The following CXCR6 variants were observed in gnomAD, a reference collection of about 807,000 sequenced individuals.
CXCR6 encodes the protein C-X-C chemokine receptor type 6.
CXCR6 carries 3 observed loss-of-function variants against 1.6 expected under a neutral mutation model. The ratio of observed to expected loss-of-function variants is 1.83; its 90% confidence interval spans 0.83 to 4.72. The LOEUF (loss-of-function observed/expected upper bound fraction) is 4.72. CXCR6 is among the 30% of genes most tolerant of loss of function. The pLI, the probability that CXCR6 is intolerant of heterozygous loss-of-function variation, is 0.02. For missense variants in CXCR6, 326 were observed against 414.8 expected, an observed-to-expected ratio of 0.79 and a Z score of 1.86; for synonymous variants, 171 against 159.2, an observed-to-expected ratio of 1.07 and a Z score of -0.56.
intron 1 of CXCR6, chr3:45,945,131 C>A (rs936939): frequency 0.19 from 29,037 of 152,156 alleles, 2,897 homozygotes; most frequent in East Asian, 0.29. Context: ...ACACTGCTCC[C>A]AGTCAGGACT....
At position 45,946,527 on chromosome 3, in the gene CXCR6, A is replaced by C; in HGVS notation, c.46A>C (p.Asn16His). 6.2e-7 allele frequency: 1 copy of C among 1,614,184 alleles called. No individual in the cohort carries two copies. Among genetic ancestry groups the C allele is most frequent in the Non-Finnish European group, 8.5e-7 (1 of 1,180,022 alleles). The change falls in exon 2 of 2, where the codon AAT becomes CAT. Residue 16 changes from asparagine (N) to histidine (H), a missense_variant. Transcript: ENST00000304552. ...YHEDYGFSSFNDSSQEEHQDF... is the reference protein window; with the variant it reads ...YHEDYGFSSFHDSSQEEHQDF... ...TGAAGACTATGGGTTCAGCAGTTTC[A>C]ATGACAGCAGCCAGGAGGAGCATCA...
intron 1 of CXCR6, chr3:45,946,060 T>C (rs948950067): frequency 3.0e-5 from 5 of 167,774 alleles, no homozygotes; most frequent in Non-Finnish European, 5.2e-5. Flanking sequence ...AAAACAGGCA[T>C]GTTCCATTGA....
At chr3:45,941,359 CT>C (rs1276590903), upstream of CXCR6, 1 of 152,180 alleles carries the variant, frequency 6.6e-6, no homozygotes, top group African/African-American at 2.4e-5. Context: ...ATGTCTGCCA[CT>C]TCCTTTTTAC....
In CXCR6 at chr3:45,948,209, T is replaced by C. The variant is rs1704762326; in HGVS notation, c.*699T>C. ...TTTCTGAAGTGGACTCTTTGGTGGC[T>C]TTGCATTTTAAAAATGAAATTTTCC... On this transcript the variant is annotated 3_prime_UTR_variant, in exon 2 of 2. Transcript: ENST00000304552. 6.0e-6 allele frequency: 1 copy of C among 167,122 alleles called. No homozygotes were observed. The highest frequency in any genetic ancestry group is 1.5e-5 in the Non-Finnish European group (1 of 68,142). The allele number at this position is 167,122 out of a possible 1,614,324, so 10.4% of individuals were successfully genotyped here.
chr3:45,945,364 G>A (rs943840776), intron 1 of CXCR6: 2 of 152,272 alleles, frequency 1.3e-5, no homozygotes, highest in Non-Finnish European at 2.9e-5. Flanking sequence ...AGCAAGGGCA[G>A]ACTTGGCACT....
chr3:45,942,931 C>T (rs2125815946), upstream of CXCR6, among the ~76,000 whole-genome samples: 1 of 152,300 alleles, frequency 6.6e-6, no homozygotes, highest in East Asian at 1.9e-4. Context: ...TGACAGATAC[C>T]TGAGTGTGTA....
chr3:45,947,326 G>T lies in CXCR6; in HGVS notation c.845G>T (p.Cys282Phe), dbSNP rs1282280468. ...VTEAIAYLRA[C>F]LNPVLYAFVS... is the part of the protein sequence containing the mutation. ...GAGGCCATCGCATACCTGAGGGCCT[G>T]CCTTAACCCTGTGCTCTATGCCTTT... is the stretch of plus-strand genomic sequence containing the variant. Residue 282 changes from cysteine to phenylalanine, a missense_variant, in exon 2 of 2, where the codon TGC becomes TTC. By Grantham distance (205) the Cys-to-Phe change is radical (BLOSUM62 -2). Coordinates refer to ENST00000304552, the MANE Select transcript of CXCR6 (RefSeq NM_006564.2). 1.2e-6 allele frequency: 2 copies of T among 1,614,210 alleles called. No individual in the cohort carries two copies. The highest frequency in any genetic ancestry group is 1.7e-6 in the Non-Finnish European group (2 of 1,180,038).
chr3:45,946,461 G>T lies in CXCR6; in HGVS notation c.-21G>T, dbSNP rs781734811. ...ATAATTCCTGGGTTCTGACTCACAGGTGTTCATCAGAACAGACACCATGGC... is the reference window on the plus strand; with the variant it reads ...ATAATTCCTGGGTTCTGACTCACAGTTGTTCATCAGAACAGACACCATGGC... On this transcript the variant is annotated splice_region_variant and 5_prime_UTR_variant, in exon 2 of 2. Coordinates refer to ENST00000304552, the MANE Select transcript of CXCR6 (RefSeq NM_006564.2). 8 of 1,589,848 alleles carry T rather than the reference G, an allele frequency of 5.0e-6. No individual in the cohort carries two copies. The highest frequency in any genetic ancestry group is 6.9e-6 in the Non-Finnish European group (8 of 1,161,730).
upstream of CXCR6, among the ~76,000 whole-genome samples, chr3:45,942,611 C>T (rs753357883): frequency 6.6e-6 from 1 of 152,216 alleles, no homozygotes; most frequent in Admixed American, 6.5e-5. Context: ...CTCTCCACTA[C>T]AAGGCACTGG....
In CXCR6 at chr3:45,946,850, C is replaced by T; in HGVS notation, c.369C>T (p.Ile123=). The T allele has an allele frequency of 6.2e-7, 1 of 1,614,232 alleles. No homozygotes were observed. Among genetic ancestry groups the T allele is most frequent in the Non-Finnish European group, 8.5e-7 (1 of 1,180,040 alleles). ...CGTCCATGCTCATCCTCACCTGCAT[C>T]ACTGTGGATCGTTTCATTGTAGTGG... is the stretch of plus-strand genomic sequence containing the variant. ...FYTSMLILTC[I]TVDRFIVVVK... is the part of the protein sequence containing the mutation. The change falls in exon 2 of 2, where the codon ATC becomes ATT. Residue 123 remains isoleucine (I), a synonymous_variant. Coordinates refer to ENST00000304552, the MANE Select transcript of CXCR6 (RefSeq NM_006564.2).
upstream of CXCR6, among the ~76,000 whole-genome samples, chr3:45,941,682 CCATATTGA>C (rs1318281817): frequency 6.6e-6 from 1 of 152,220 alleles, no homozygotes; most frequent in Non-Finnish European, 1.5e-5. Flanking sequence ...ACACATATCC[CCATATTGA>C]CATGTACACA....
chr3:45,947,461 CTT>C lies in CXCR6; in HGVS notation c.984_985del (p.Ser329CysfsTer66), dbSNP rs752005167. On this transcript the variant is annotated frameshift_variant, in exon 2 of 2. Coordinates refer to ENST00000304552, the MANE Select transcript of CXCR6 (RefSeq NM_006564.2). LOFTEE classifies it high-confidence loss of function. ...AAATCTTCTGAGGACAATTCCAAGACTTTTTCTGCCTCCCACAATGTGGAGGC... is the reference window on the plus strand; with the variant it reads ...AAATCTTCTGAGGACAATTCCAAGACTTTCTGCCTCCCACAATGTGGAGGC... The C allele has an allele frequency of 6.2e-7, 1 of 1,614,172 alleles. No individual in the cohort carries two copies. The highest frequency in any genetic ancestry group is 1.7e-5 in the Admixed American group (1 of 60,032).
At position 45,947,139 on chromosome 3, in the gene CXCR6, C is replaced by T. The variant is rs766640802; in HGVS notation, c.658C>T (p.His220Tyr). 1 of 1,614,100 alleles carries T rather than the reference C, an allele frequency of 6.2e-7. No homozygotes were observed. Among genetic ancestry groups the T allele is most frequent in the African/African-American group, 1.3e-5 (1 of 74,934 alleles). The change falls in exon 2 of 2, where the codon CAT becomes TAT. Residue 220 changes from histidine to tyrosine, a missense_variant. His to Tyr is a moderately conservative substitution (Grantham distance 83). Transcript: ENST00000304552. The stretch of plus-strand genomic sequence containing the variant: ...TTCAGTCATAATCAAAACACTGCTT[C>T]ATGCTGGAGGCTTCCAGAAGCACAG... ...CYSVIIKTLL[H>Y]AGGFQKHRSL...
intron 1 of CXCR6, chr3:45,945,531 C>T (rs1282007512): frequency 1.3e-5 from 2 of 152,196 alleles, no homozygotes; most frequent in African/African-American, 4.8e-5. Flanking sequence ...GAAAGGTTGC[C>T]CATCTGGCAT....
At chr3:45,942,033 C>T (rs748791880), upstream of CXCR6, among the ~76,000 whole-genome samples, 1 of 152,220 alleles carries the variant, frequency 6.6e-6, no homozygotes, top group Non-Finnish European at 1.5e-5. Flanking sequence ...GTAGTCTATG[C>T]GGCCTCATGG....
rs1176563862 is a variant in CXCR6, at chr3:45,948,099, TAA to T, written c.*590_*591del. On this transcript the variant is annotated 3_prime_UTR_variant, in exon 2 of 2. Transcript: ENST00000304552. ...ACTATGAATGGGCAAAACTGAATTATAAGAGGCTGATAATTCCAGTGGTCCAT... is the reference window on the plus strand; with the variant it reads ...ACTATGAATGGGCAAAACTGAATTATGAGGCTGATAATTCCAGTGGTCCAT... 6.0e-6 allele frequency: 1 copy of T among 167,484 alleles called. No individual in the cohort carries two copies. Among genetic ancestry groups the T allele is most frequent in the Non-Finnish European group, 1.5e-5 (1 of 68,428 alleles). 10.4% of individuals were successfully genotyped at this position (167,484 alleles called of 1,614,324 possible).
At chr3:45,942,642 A>G (rs1356387648), upstream of CXCR6, among the ~76,000 whole-genome samples, 1 of 152,198 alleles carries the variant, frequency 6.6e-6, no homozygotes, top group African/African-American at 2.4e-5. Flanking sequence ...CCAGGCTGAC[A>G]TGCCTCCAAT....
upstream of CXCR6, among the ~76,000 whole-genome samples, chr3:45,941,595 T>C (rs1704229407): frequency 6.6e-6 from 1 of 152,236 alleles, no homozygotes; most frequent in African/African-American, 2.4e-5. Flanking sequence ...TCCTCAAATT[T>C]AGGTGAAAGT....
chr3:45,945,174 T>C (rs1164129595), intron 1 of CXCR6: 5 of 152,164 alleles, frequency 3.3e-5, no homozygotes, highest in Non-Finnish European at 7.3e-5. Flanking sequence ...TCTGAGTGGA[T>C]TAGGAAAGGT....
Sources: allele counts gnomAD v4.1 joint callset (sites outside exome capture counted in the v4.1 genomes callset), GRCh38; gene constraint gnomAD v4.1.1; transcripts MANE v1.5; gene names NCBI Gene and HGNC (gene_info 2026-07-23, HGNC 2026-07-21).